The following PPARGC1A variants were observed in gnomAD, a reference collection of about 807,000 sequenced individuals.
The protein encoded by PPARGC1A is peroxisome proliferator-activated receptor gamma coactivator 1-alpha.
Under a neutral mutation model 88.7 loss-of-function variants are expected in PPARGC1A, and 25 were observed. That is an observed-to-expected ratio of 0.28 (90% CI 0.21 to 0.39). The LOEUF (loss-of-function observed/expected upper bound fraction) is 0.39. Among genes scored for constraint, PPARGC1A ranks in the 10% least tolerant of loss-of-function variants. PPARGC1A has a pLI of 1.00. For missense variants in PPARGC1A, 880 were observed against 968.7 expected, an observed-to-expected ratio of 0.91 and a Z score of 1.22; for synonymous variants, 363 against 355.6, an observed-to-expected ratio of 1.02 and a Z score of -0.24.
chr4:23,968,331 C>T, the PPARGC1A span, among the ~76,000 whole-genome samples: 2 of 152,156 alleles, frequency 1.3e-5, no homozygotes, highest in African/African-American at 4.8e-5. Flanking sequence ...TCACTATCAT[C>T]ATATTCTTCA....
chr4:24,175,159 TA>T, the PPARGC1A span, among the ~76,000 whole-genome samples: 1 of 152,082 alleles, frequency 6.6e-6, no homozygotes, highest in African/African-American at 2.4e-5. Flanking sequence ...ATTTACCCAA[TA>T]GACTAAAATG....
At chr4:24,248,431 G>A in the PPARGC1A span, among the ~76,000 whole-genome samples, 12 of 152,082 alleles carry the variant, frequency 7.9e-5, no homozygotes, top group African/African-American at 2.9e-4. Context: ...TCTTACACAG[G>A]GACATGGACT....
At chr4:24,395,191 G>T in the PPARGC1A span, among the ~76,000 whole-genome samples, 3 of 151,990 alleles carry the variant, frequency 2.0e-5, no homozygotes, top group Non-Finnish European at 4.4e-5. Context: ...CCTCCCAAAG[G>T]AAAACTCAAA....
At chr4:24,179,198 A>G in the PPARGC1A span, among the ~76,000 whole-genome samples, 1 of 152,208 alleles carries the variant, frequency 6.6e-6, no homozygotes, top group Non-Finnish European at 1.5e-5. Context: ...TTTAGATACA[A>G]GAACACCAAG....
At chr4:23,889,651 A>G (rs888165264) in intron 1 of PPARGC1A, among the ~76,000 whole-genome samples, 1 of 152,234 alleles carries the variant, frequency 6.6e-6, no homozygotes, top group Admixed American at 6.5e-5. Context: ...CCAAAGTCAC[A>G]TGGAAAGAGT....
At chr4:24,299,470 C>A in the PPARGC1A span, among the ~76,000 whole-genome samples, 9 of 152,036 alleles carry the variant, frequency 5.9e-5, no homozygotes, top group African/African-American at 2.2e-4. Flanking sequence ...TTGCAGAATG[C>A]CCTGGAGCAG....
chr4:23,958,227 T>C, the PPARGC1A span, among the ~76,000 whole-genome samples: 44 of 152,248 alleles, frequency 2.9e-4, no homozygotes, highest in South Asian at 4.1e-3. Flanking sequence ...TACTTTTCAT[T>C]TTAATTACTG....
At chr4:24,317,666 G>A in the PPARGC1A span, among the ~76,000 whole-genome samples, 1 of 138,938 alleles carries the variant, frequency 7.2e-6, no homozygotes, top group Non-Finnish European at 1.5e-5. Flanking sequence ...TGTAGACAGA[G>A]AAATCAGTTG....
the PPARGC1A span, among the ~76,000 whole-genome samples, chr4:24,030,973 T>C: frequency 1.3e-5 from 2 of 152,202 alleles, no homozygotes; most frequent in South Asian, 4.2e-4. Flanking sequence ...CAGACAGATA[T>C]GCAGATGACT....
the PPARGC1A span, among the ~76,000 whole-genome samples, chr4:24,437,445 A>G: frequency 1.3e-3 from 203 of 152,324 alleles, no homozygotes; most frequent in African/African-American, 4.6e-3. Context: ...TAGGCTTGGT[A>G]TCCAAGATTT....
At chr4:23,803,650 A>C (rs1023825030) in intron 10 of PPARGC1A, among the ~76,000 whole-genome samples, 10 of 152,252 alleles carry the variant, frequency 6.6e-5, no homozygotes, top group Admixed American at 2.0e-4. Context: ...TTTTAAGAAC[A>C]TAAGGAGTTA....
At chr4:24,310,697 T>C in the PPARGC1A span, among the ~76,000 whole-genome samples, 1 of 152,136 alleles carries the variant, frequency 6.6e-6, no homozygotes, top group East Asian at 1.9e-4. Flanking sequence ...ACTGAGTTAA[T>C]TGCCTACTAA....
At chr4:24,470,692 C>G in the PPARGC1A span, among the ~76,000 whole-genome samples, 12 of 152,082 alleles carry the variant, frequency 7.9e-5, no homozygotes, top group African/African-American at 2.9e-4. This position sits in a 1 kb window ranked among gnomAD's most constrained non-coding sequence, Gnocchi z 5.8. Context: ...CGGCGTACTT[C>G]CCGGGGGCAG....
At chr4:24,135,183 T>A in the PPARGC1A span, among the ~76,000 whole-genome samples, 2 of 152,148 alleles carry the variant, frequency 1.3e-5, no homozygotes, top group African/African-American at 4.8e-5. Flanking sequence ...AAAATGGCTA[T>A]CCTATGTGCA....
chr4:24,001,398 T>G, the PPARGC1A span, among the ~76,000 whole-genome samples: 1 of 152,208 alleles, frequency 6.6e-6, no homozygotes, highest in East Asian at 1.9e-4. Flanking sequence ...CTATATAGAT[T>G]GCCCTTGTAA....
At chr4:23,895,088 AT>A (rs34476524) in intron 1 of PPARGC1A, among the ~76,000 whole-genome samples, 108,983 of 140,064 alleles carry the variant, frequency 0.78, 43,043 homozygotes, top group African/African-American at 0.9. Flanking sequence ...ACTAAGAAGG[AT>A]TTTTTTTTTT....
chr4:24,061,132 A>G, the PPARGC1A span, among the ~76,000 whole-genome samples: 3 of 152,178 alleles, frequency 2.0e-5, no homozygotes, highest in Non-Finnish European at 4.4e-5. Flanking sequence ...ACAGGGGTCA[A>G]TCTAGAGCCA....
the PPARGC1A span, among the ~76,000 whole-genome samples, chr4:24,034,806 C>A: frequency 6.6e-6 from 1 of 152,166 alleles, no homozygotes; most frequent in Non-Finnish European, 1.5e-5. Context: ...ATGGCTTTTG[C>A]TCCCTTTGAT....
the PPARGC1A span, among the ~76,000 whole-genome samples, chr4:24,003,307 C>A: frequency 2.0e-5 from 3 of 152,108 alleles, no homozygotes; most frequent in African/African-American, 7.2e-5. Context: ...AGGGAAAATA[C>A]CAAGGAAATC....
Sources: allele counts gnomAD v4.1 joint callset (sites outside exome capture counted in the v4.1 genomes callset), GRCh38; gene constraint gnomAD v4.1.1; non-coding constraint Gnocchi (gnomAD v3.1); transcripts MANE v1.5; gene names NCBI Gene and HGNC (gene_info 2026-07-23, HGNC 2026-07-21).